The following KAZN variants were observed in gnomAD, a reference collection of about 807,000 sequenced individuals.
KAZN encodes kazrin.
KAZN carries 40 observed loss-of-function variants against 87.4 expected under a neutral mutation model. That is an observed-to-expected ratio of 0.46 (90% CI 0.36 to 0.60). The LOEUF (loss-of-function observed/expected upper bound fraction) is 0.60, where lower values mean the gene tolerates loss of function less well. Ranked by LOEUF, KAZN falls within the 20% of genes least tolerant of loss-of-function variation. The probability of loss-of-function intolerance (pLI) is 0.00; values close to 1 mark genes in which losing one functional copy is unlikely to be tolerated. For missense variants in KAZN, 898 were observed against 1,073.9 expected (o/e 0.84, Z 2.29); for synonymous variants, 466 against 458.3 (o/e 1.02, Z -0.22).
At chr1:14,260,512 G>A (rs1298140663) in intron 2 of KAZN, among the ~76,000 whole-genome samples, 7 of 152,278 alleles carry the variant, frequency 4.6e-5, no homozygotes, top group African/African-American at 1.7e-4. Context: ...TAGGAGAGAA[G>A]TCAGATAGGG....
At chr1:14,715,499 T>A (rs1265407660) in intron 1 of KAZN, among the ~76,000 whole-genome samples, 2 of 152,184 alleles carry the variant, frequency 1.3e-5, no homozygotes, top group Admixed American at 1.3e-4. Context: ...AGCGCACACA[T>A]CATCCTCAGA....
chr1:14,345,737 G>A (rs1225040453), intron 2 of KAZN, among the ~76,000 whole-genome samples: 1 of 152,166 alleles, frequency 6.6e-6, no homozygotes, highest in Admixed American at 6.5e-5. Flanking sequence ...GAATACATGA[G>A]TGAATAAGTG....
intron 1 of KAZN, among the ~76,000 whole-genome samples, chr1:13,913,490 G>A (rs1639726129): frequency 6.6e-6 from 1 of 152,210 alleles, no homozygotes; most frequent in Non-Finnish European, 1.5e-5. Context: ...GGCTTGGCTG[G>A]ATGGTGGGAG....
At chr1:14,415,971 G>A (rs1343073486) in intron 2 of KAZN, among the ~76,000 whole-genome samples, 2 of 152,194 alleles carry the variant, frequency 1.3e-5, no homozygotes, top group African/African-American at 4.8e-5. Context: ...AGGGGCTGTA[G>A]TCAGGTGAAT....
chr1:15,052,311 G>A (rs186416285), intron 4 of KAZN, among the ~76,000 whole-genome samples: 5 of 152,290 alleles, frequency 3.3e-5, no homozygotes, highest in East Asian at 1.9e-4. Flanking sequence ...GCAAAGGCAC[G>A]TCTTACATGG....
chr1:14,159,555 A>C (rs1450127172), intron 1 of KAZN, among the ~76,000 whole-genome samples: 1 of 152,174 alleles, frequency 6.6e-6, no homozygotes, highest in Non-Finnish European at 1.5e-5. Context: ...CCAAAAGCCA[A>C]GTTCTGGAAC....
chr1:14,099,588 G>T (rs139460883), intron 1 of KAZN, among the ~76,000 whole-genome samples: 1,912 of 152,262 alleles, frequency 0.013, 20 homozygotes, highest in Middle Eastern at 0.034. Flanking sequence ...TCAGGAAACT[G>T]CCTTGAGAGA....
chr1:14,011,553 C>T (rs1014458174), intron 1 of KAZN, among the ~76,000 whole-genome samples: 2 of 152,128 alleles, frequency 1.3e-5, no homozygotes, highest in Admixed American at 6.5e-5. Flanking sequence ...AGCTTTGTGC[C>T]TCTGGGCAGC....
At position 14,335,192 on chromosome 1, in the gene KAZN, T is replaced by C. The variant is rs1657159518; in HGVS notation, c.249+154600T>C. On this transcript the variant is annotated intron_variant, in intron 2 of 16. Transcript: ENST00000636203. ...ACTGGTTGCTTAAAGGAGGCCGGCA[T>C]GTCCTCCTTTCTTTTTTTTTTTTTT... Among the ~76,000 whole-genome samples, 4 of 148,868 alleles carry C rather than the reference T, an allele frequency of 2.7e-5. No homozygotes were observed. The South Asian group carries it at 8.7e-4, about 32-fold the overall frequency.
At chr1:15,005,653 TG>T (rs1417385275) in intron 2 of KAZN, among the ~76,000 whole-genome samples, 1 of 152,032 alleles carries the variant, frequency 6.6e-6, no homozygotes, top group African/African-American at 2.4e-5. Flanking sequence ...CTAGACATAG[TG>T]GCACACGCTT....
At chr1:13,901,406 C>T (rs1460996307) in intron 1 of KAZN, among the ~76,000 whole-genome samples, 2 of 152,148 alleles carry the variant, frequency 1.3e-5, no homozygotes, top group African/African-American at 4.8e-5. Flanking sequence ...CGGGAAGAAG[C>T]GGATATTTGG....
At chr1:14,072,521 A>G (rs1643287635) in intron 1 of KAZN, among the ~76,000 whole-genome samples, 1 of 152,206 alleles carries the variant, frequency 6.6e-6, no homozygotes, top group African/African-American at 2.4e-5. Context: ...AAGGGGGCTA[A>G]TACTACTCGT....
intron 1 of KAZN, among the ~76,000 whole-genome samples, chr1:14,718,464 A>G (rs1642922749): frequency 6.6e-6 from 1 of 152,174 alleles, no homozygotes; most frequent in Admixed American, 6.5e-5. Context: ...ATATCACAAT[A>G]TCCTTTTTGT....
chr1:14,790,754 G>A (rs557522145), intron 1 of KAZN, among the ~76,000 whole-genome samples: 1 of 152,252 alleles, frequency 6.6e-6, no homozygotes, highest in East Asian at 1.9e-4. Context: ...GTGCAGTGGT[G>A]CAATCTTGGC....
At chr1:14,417,604 C>T (rs1664905496) in intron 2 of KAZN, among the ~76,000 whole-genome samples, 1 of 152,084 alleles carries the variant, frequency 6.6e-6, no homozygotes, top group Non-Finnish European at 1.5e-5. Flanking sequence ...AAACAGGTGG[C>T]TACTGTACGC....
At chr1:14,671,971 A>T (rs1639944568) in intron 1 of KAZN, among the ~76,000 whole-genome samples, 1 of 152,230 alleles carries the variant, frequency 6.6e-6, no homozygotes, top group Non-Finnish European at 1.5e-5. Context: ...AAAAGAGAAT[A>T]TTACAAAAAC....
chr1:14,528,748 C>CAAAAAAAAAAAAAA, intron 2 of KAZN, among the ~76,000 whole-genome samples: 1 of 66,934 alleles, frequency 1.5e-5, no homozygotes, highest in Non-Finnish European at 2.9e-5. Context: ...GACCCTGTCT[C>CAAAAAAAAAAAAAA]AAAAAAAAAA....
intron 2 of KAZN, among the ~76,000 whole-genome samples, chr1:14,187,011 G>A (rs1271394415): frequency 1.3e-5 from 2 of 152,102 alleles, no homozygotes; most frequent in Non-Finnish European, 2.9e-5. Context: ...TCACTTTACT[G>A]TTTACAAAGT....
At chr1:14,646,106 G>C (rs1023467745) in intron 1 of KAZN, among the ~76,000 whole-genome samples, 2 of 152,122 alleles carry the variant, frequency 1.3e-5, no homozygotes, top group African/African-American at 4.8e-5. Context: ...GGGGAGTGGG[G>C]GTTCTGGCTA....
Sources: allele counts gnomAD v4.1 joint callset (sites outside exome capture counted in the v4.1 genomes callset), GRCh38; gene constraint gnomAD v4.1.1; transcripts MANE v1.5; gene names NCBI Gene and HGNC (gene_info 2026-07-23, HGNC 2026-07-21).